The following CDH4 variants were observed in gnomAD, a reference collection of about 807,000 sequenced individuals.
CDH4 encodes cadherin 4, also known as cadherin-4.
CDH4 carries 33 observed loss-of-function variants against 86.0 expected under a neutral mutation model. That is an observed-to-expected ratio of 0.38 (90% confidence interval 0.29 to 0.51). The LOEUF (loss-of-function observed/expected upper bound fraction) is 0.51. CDH4 is among the 20% of genes least tolerant of loss of function. The pLI, the probability that CDH4 is intolerant of heterozygous loss-of-function variation, is 0.86. For missense variants in CDH4, 1,114 were observed against 1,307.4 expected, an observed-to-expected ratio of 0.85 and a Z score of 2.28; for synonymous variants, 555 against 549.4, an observed-to-expected ratio of 1.01 and a Z score of -0.14.
intron 2 of CDH4, among the ~76,000 whole-genome samples, chr20:61,542,602 A>G (rs570684810): frequency 4.6e-5 from 7 of 152,290 alleles, no homozygotes; most frequent in African/African-American, 1.4e-4. Context: ...TATATTGGGG[A>G]ATTTTTTTAA....
intron 2 of CDH4, among the ~76,000 whole-genome samples, chr20:61,558,430 T>G (rs2748151): frequency 6.6e-6 from 1 of 151,876 alleles, no homozygotes; most frequent in African/African-American, 2.4e-5. Flanking sequence ...TAGGTAACTT[T>G]GTAAATCCTT....
chr20:61,644,414 C>A (rs944264), intron 2 of CDH4, among the ~76,000 whole-genome samples: 1 of 152,114 alleles, frequency 6.6e-6, no homozygotes, highest in Admixed American at 6.5e-5. Flanking sequence ...CCAGTGAACC[C>A]GCCTGGTGCC....
rs752946025 is a variant in CDH4, at chr20:61,929,673, C to T, written c.2070C>T (p.Ile690=). ...AGGCCGGGATGTATGACGTCCCCAT[C>T]ATCGTCACAGACTCTGGAAACCCTC... The part of the protein sequence containing the change: ...YLEAGMYDVP[I]IVTDSGNPPL... Residue 690 remains isoleucine, a synonymous_variant, in exon 13 of 16, where the codon ATC becomes ATT. Coordinates refer to ENST00000614565, the MANE Select transcript of CDH4 (RefSeq NM_001794.5). 1 of 1,614,042 alleles carries T rather than the reference C, an allele frequency of 6.2e-7. No homozygotes were observed. Among genetic ancestry groups the T allele is most frequent in the Non-Finnish European group, 8.5e-7 (1 of 1,180,042 alleles).
chr20:61,865,831 G>T (rs551078241), intron 6 of CDH4, among the ~76,000 whole-genome samples: 2 of 151,212 alleles, frequency 1.3e-5, no homozygotes. Flanking sequence ...TGGCTGGTTT[G>T]TGTATATAAT....
rs543629889 is a variant in CDH4 at position 61,759,896 on chromosome 20, C to T, written c.397-13107C>T. On this transcript the variant is annotated intron_variant, in intron 3 of 15. Transcript: ENST00000614565. ...AGGACGCCCCAAACAAAGAAGGATT[C>T]AGCCCAAAGTGTTAGGAATGCCGAG... Among the ~76,000 whole-genome samples, 10 of 152,232 alleles carry T rather than the reference C, an allele frequency of 6.6e-5. No homozygotes were observed. In the South Asian group the frequency reaches 1.2e-3, roughly 19 times the overall value.
intron 2 of CDH4, among the ~76,000 whole-genome samples, chr20:61,695,152 T>A (rs2145877470): frequency 6.6e-6 from 1 of 152,292 alleles, no homozygotes; most frequent in East Asian, 1.9e-4. Context: ...GTAATGTTGA[T>A]TCAGAATTAA....
intron 2 of CDH4, among the ~76,000 whole-genome samples, chr20:61,724,412 A>T (rs1298762536): frequency 6.6e-6 from 1 of 152,122 alleles, no homozygotes; most frequent in East Asian, 1.9e-4. Flanking sequence ...AAAACTCTGG[A>T]ATGTGTGAGC....
At chr20:61,668,199 C>A (rs1380049632) in intron 2 of CDH4, among the ~76,000 whole-genome samples, 1 of 152,192 alleles carries the variant, frequency 6.6e-6, no homozygotes, top group Non-Finnish European at 1.5e-5. Context: ...CTGTGTGCGC[C>A]CATGTGTTAG....
intron 7 of CDH4, among the ~76,000 whole-genome samples, chr20:61,874,723 C>T (rs145689118): frequency 2.2e-4 from 33 of 152,316 alleles, no homozygotes; most frequent in African/African-American, 7.0e-4. Flanking sequence ...CTGCCTTCCC[C>T]ATCTCCAGGT....
chr20:61,470,967 T>C (rs551499171), intron 2 of CDH4, among the ~76,000 whole-genome samples: 1 of 152,274 alleles, frequency 6.6e-6, no homozygotes, highest in African/African-American at 2.4e-5. Flanking sequence ...TTTGCATTAA[T>C]ATTCATCAGG....
Position 61,798,657 on chromosome 20 carries a change from C to A in CDH4, c.576+25475C>A, listed in dbSNP as rs368281340. 1.1e-4 allele frequency among the ~76,000 whole-genome samples: 17 copies of A among 152,344 alleles called. 1 individual carries two copies. In the East Asian group the frequency reaches 2.1e-3, roughly 19 times the overall value. On this transcript the variant is annotated intron_variant, in intron 4 of 15. Coordinates refer to ENST00000614565, the MANE Select transcript of CDH4 (RefSeq NM_001794.5). ...TGACCAGTACTCATGGACACCAGCA[C>A]GCTGGGCAGAGGCTCTGAGTAACTT...
Position 61,908,731 on chromosome 20 carries a change from G to A in CDH4, c.1189-1691G>A, listed in dbSNP as rs563400315. Among the ~76,000 whole-genome samples the A allele has an allele frequency of 4.7e-4, 72 of 152,278 alleles. 1 individual carries two copies. The highest frequency in any genetic ancestry group is 1.5e-3 in the African/African-American group (62 of 41,570). ...CAAGTCAGCTGGGGAGGGGCACTCC[G>A]GGAAGACTCTTTCTTACCGAAGGGA... On this transcript the variant is annotated intron_variant, in intron 8 of 15. Coordinates refer to ENST00000614565, the MANE Select transcript of CDH4 (RefSeq NM_001794.5).
Position 61,598,134 on chromosome 20 carries a change from C to T in CDH4, c.170-145429C>T, listed in dbSNP as rs1001071611. Among the ~76,000 whole-genome samples the T allele has an allele frequency of 9.2e-5, 14 of 152,156 alleles. 1 individual carries two copies. The highest frequency in any genetic ancestry group is 2.6e-4 in the Admixed American group (4 of 15,278). ...GGGCACTGTGGGGGTGATGGTGACC[C>T]GCCGGGGACTTGCCTCTTGGGGGCA... On this transcript the variant is annotated intron_variant, in intron 2 of 15. Transcript: ENST00000614565.
At chr20:61,935,750 G>A (rs967153044) in intron 15 of CDH4, among the ~76,000 whole-genome samples, 15 of 152,224 alleles carry the variant, frequency 9.9e-5, no homozygotes, top group African/African-American at 2.9e-4. Context: ...AGCTGGGCAT[G>A]GTGGCGGGCA....
At chr20:61,918,343 G>C (rs1471236417) in intron 9 of CDH4, among the ~76,000 whole-genome samples, 1 of 152,220 alleles carries the variant, frequency 6.6e-6, no homozygotes, top group African/African-American at 2.4e-5. Context: ...TGAGGCCCCT[G>C]TGTGGCACAC....
chr20:61,705,742 T>C (rs948044756), intron 2 of CDH4, among the ~76,000 whole-genome samples: 1 of 152,212 alleles, frequency 6.6e-6, no homozygotes, highest in African/African-American at 2.4e-5. Context: ...TCACGACAGC[T>C]TTGAGTGTGA....
intron 6 of CDH4, among the ~76,000 whole-genome samples, chr20:61,864,375 C>G (rs1983454372): frequency 6.6e-6 from 1 of 152,244 alleles, no homozygotes; most frequent in South Asian, 2.1e-4. Flanking sequence ...CTGGGGAACC[C>G]CCTGGTTTCG....
intron 7 of CDH4, among the ~76,000 whole-genome samples, chr20:61,888,903 A>G (rs965258646): frequency 6.6e-6 from 1 of 152,154 alleles, no homozygotes; most frequent in Non-Finnish European, 1.5e-5. Context: ...CCCCTCCGTA[A>G]ATGGTAAAGA....
chr20:61,772,116 G>C (rs1292945911), intron 3 of CDH4, among the ~76,000 whole-genome samples: 1 of 152,224 alleles, frequency 6.6e-6, no homozygotes, highest in East Asian at 1.9e-4. Flanking sequence ...CATTCCCATA[G>C]CAGTCCCTAA....
Sources: allele counts gnomAD v4.1 joint callset (sites outside exome capture counted in the v4.1 genomes callset), GRCh38; gene constraint gnomAD v4.1.1; transcripts MANE v1.5; gene names NCBI Gene and HGNC (gene_info 2026-07-23, HGNC 2026-07-21).